The following PPIE variants were observed in gnomAD, a reference collection of about 807,000 sequenced individuals.
PPIE encodes peptidylprolyl isomerase E, also known as peptidyl-prolyl cis-trans isomerase E.
A neutral mutation model predicts 38.4 loss-of-function variants in PPIE; 20 were observed. That is an observed-to-expected ratio of 0.52 (90% CI 0.37 to 0.76). PPIE has a LOEUF of 0.76. PPIE is among the 30% of genes least tolerant of loss of function. The pLI is 0.00. For synonymous variants in PPIE, 142 were observed against 135.7 expected (o/e 1.05, Z -0.32); for missense variants, 322 against 385.8 (o/e 0.83, Z 1.39).
intron 8 of PPIE, among the ~76,000 whole-genome samples, chr1:39,749,429 A>G (rs1647469304): frequency 1.3e-5 from 2 of 152,120 alleles, no homozygotes; most frequent in African/African-American, 2.4e-5. Context: ...CCCAGCAACT[A>G]GAGAAAAAAC....
At chr1:39,745,819 C>T (rs1569662683) in intron 7 of PPIE, 2 of 216,522 alleles carry the variant, frequency 9.2e-6, no homozygotes, top group Non-Finnish European at 1.9e-5. Context: ...CCCCTCTCTA[C>T]ATCCAGTCCT....
In PPIE at chr1:39,748,964, C is replaced by T. The variant is rs1157306375; in HGVS notation, c.570C>T (p.His190=). 6 of 1,614,012 alleles carry T rather than the reference C, an allele frequency of 3.7e-6. No individual in the cohort carries two copies. The Admixed American group carries it at 1.0e-4, about 27-fold the overall frequency. The change falls in exon 8 of 10, where the codon CAC becomes CAT. Residue 190 remains histidine, a synonymous_variant. Transcript: ENST00000324379. Reference sequence around the variant, plus strand: ...TTGGCTTTAAGGGAAGCAGCTTCCACCGCATCATCCCCCAGTTCATGTGCC... The same window carrying T: ...TTGGCTTTAAGGGAAGCAGCTTCCATCGCATCATCCCCCAGTTCATGTGCC... ...KGFGFKGSSF[H]RIIPQFMCQG...
At chr1:39,761,514 C>T (rs1349133513), downstream of PPIE, 1 of 151,362 alleles carries the variant, frequency 6.6e-6, no homozygotes, top group Non-Finnish European at 1.5e-5. Flanking sequence ...TGCTAAAGAG[C>T]TCCGACAGCC....
chr1:39,745,202 T>C (rs1319524017), intron 6 of PPIE, among the ~76,000 whole-genome samples, 173 bp from the exon 7 acceptor site: 1 of 152,256 alleles, frequency 6.6e-6, no homozygotes, highest in East Asian at 1.9e-4. Flanking sequence ...AGCTGGGTGC[T>C]ACGGCCATGG....
At position 39,754,031 on chromosome 1, in the gene PPIE, T is replaced by G; in HGVS notation, c.*676T>G. On this transcript the variant is annotated 3_prime_UTR_variant, in exon 10 of 10. Transcript: ENST00000324379. Reference sequence around the variant, plus strand: ...CCCTACAGATTTTAAAAAATGAAATTTTTATAACTCAAAGTGCCTTCTCTG... The same window carrying G: ...CCCTACAGATTTTAAAAAATGAAATGTTTATAACTCAAAGTGCCTTCTCTG... 1 of 985,412 alleles carries G rather than the reference T, an allele frequency of 1.0e-6. No individual in the cohort carries two copies. The allele number at this position is 985,412 out of a possible 1,614,324, so 61.0% of individuals were successfully genotyped here.
chr1:39,756,057 C>A lies in PPIE; in HGVS notation c.*2702C>A, dbSNP rs951439482. 6 of 985,292 alleles carry A rather than the reference C, an allele frequency of 6.1e-6. No individual in the cohort carries two copies. Among genetic ancestry groups the A allele is most frequent in the Middle Eastern group, 5.2e-4 (1 of 1,936 alleles). The allele number at this position is 985,292 out of a possible 1,614,324, so 61.0% of individuals were successfully genotyped here. A position where few individuals can be genotyped will look rare whatever the true frequency, so the allele number is the denominator to read the frequency against. ...GTGTGGAGAGACACAGGAGACAAGA[C>A]CCTGCTCTTCCAGGCCAGAAGGGAG... On this transcript the variant is annotated 3_prime_UTR_variant, in exon 10 of 10. Transcript: ENST00000324379.
In PPIE at chr1:39,742,505, T is replaced by TTC. The variant is rs1289134841; in HGVS notation, c.201+585_201+586insCT. 3 of 116,408 alleles carry TTC rather than the reference T, an allele frequency of 2.6e-5. No homozygotes were observed. In the East Asian group the frequency reaches 5.8e-4, roughly 23 times the overall value. The allele number at this position is 116,408 out of a possible 1,614,324, so 7.2% of individuals were successfully genotyped here. A position where few individuals can be genotyped will look rare whatever the true frequency, so the allele number is the denominator to read the frequency against. ...TTCTTTCTTTCTTTTTTTTTTTTTTTTTTTTTTTAACAATCTTGAACTCAT... is the reference window on the plus strand; with the variant it reads ...TTCTTTCTTTCTTTTTTTTTTTTTTTTCTTTTTTTTAACAATCTTGAACTCAT... On this transcript the variant is annotated intron_variant, in intron 4 of 9. Coordinates refer to ENST00000324379, the MANE Select transcript of PPIE (RefSeq NM_006112.4).
intron 8 of PPIE, among the ~76,000 whole-genome samples, chr1:39,751,582 A>G (rs1243294856): frequency 6.6e-6 from 1 of 152,012 alleles, no homozygotes; most frequent in East Asian, 1.9e-4. Context: ...CTAGTCTGGA[A>G]CTCTTAGCTT....
intron 6 of PPIE, among the ~76,000 whole-genome samples, chr1:39,745,140 G>A (rs113398142): frequency 4.6e-5 from 7 of 152,206 alleles, no homozygotes; most frequent in African/African-American, 1.7e-4. Context: ...TAACACCCCC[G>A]TGTGTGAGGC....
rs1285815201 is a variant in PPIE at position 39,741,902 on chromosome 1, C to T, written c.182C>T (p.Ala61Val). ...FVEFELAEDA[A>V]AAIDNMNESE... ...TTTGTCTTTCCTTGGCAGGATGCTG[C>T]AGCAGCTATCGACAACATGGTATGG... The change falls in exon 4 of 10, where the codon GCA becomes GTA. Residue 61 changes from alanine (A) to valine (V), a missense_variant. Ala to Val is a moderately conservative substitution (Grantham distance 64). Transcript: ENST00000324379. The T allele has an allele frequency of 6.2e-7, 1 of 1,614,210 alleles. No homozygotes were observed. Among genetic ancestry groups the T allele is most frequent in the South Asian group, 1.1e-5 (1 of 91,086 alleles).
At chr1:39,753,147 C>A in intron 9 of PPIE, 95 bp downstream of exon 9, 1 of 1,591,546 alleles carries the variant, frequency 6.3e-7, no homozygotes, top group Non-Finnish European at 8.6e-7. Flanking sequence ...AGAGAGATGG[C>A]CAGGGGCTGT....
intron 9 of PPIE, chr1:39,763,539 CAAA>C: frequency 1.1e-6 from 1 of 935,742 alleles, no homozygotes; most frequent in Non-Finnish European, 1.5e-6. Context: ...AAAAACTGAA[CAAA>C]AAAAAAACCC....
In PPIE at chr1:39,756,168, C is replaced by T; in HGVS notation, c.*2813C>T. On this transcript the variant is annotated 3_prime_UTR_variant, in exon 10 of 10. Transcript: ENST00000324379. ...ACCATGCAGCAGCTGCACCTGGCTGCCTCGGGAAAACTCTGACCTCTCTGG... is the reference window on the plus strand; with the variant it reads ...ACCATGCAGCAGCTGCACCTGGCTGTCTCGGGAAAACTCTGACCTCTCTGG... The T allele has an allele frequency of 6.1e-6, 6 of 985,444 alleles. No individual in the cohort carries two copies. The highest frequency in any genetic ancestry group is 7.2e-6 in the Non-Finnish European group (6 of 829,930). The allele number at this position is 985,444 out of a possible 1,614,324, so 61.0% of individuals were successfully genotyped here. A position where few individuals can be genotyped will look rare whatever the true frequency, so the allele number is the denominator to read the frequency against.
intron 1 of PPIE, among the ~76,000 whole-genome samples, chr1:39,739,711 A>T (rs1003635462): frequency 5.3e-5 from 8 of 152,120 alleles, no homozygotes; most frequent in Admixed American, 1.3e-4. Flanking sequence ...AAATAGCCTG[A>T]CACTTGGGGG....
At chr1:39,763,034 C>G in intron 9 of PPIE, 4 of 1,584,860 alleles carry the variant, frequency 2.5e-6, no homozygotes, top group Non-Finnish European at 3.5e-6. Context: ...CTGGACCAGA[C>G]CCCTCTCCAC....
intron 9 of PPIE, among the ~76,000 whole-genome samples, chr1:39,763,427 C>T (rs1479626891): frequency 8.3e-6 from 1 of 120,140 alleles, no homozygotes; most frequent in Non-Finnish European, 2.0e-5. Flanking sequence ...CCTCCCAGAG[C>T]TGCAGTCGTA....
chr1:39,746,579 G>T (rs928083699), intron 7 of PPIE: 1 of 152,254 alleles, frequency 6.6e-6, no homozygotes, highest in African/African-American at 2.4e-5. Flanking sequence ...GTTGGGGAGG[G>T]GTGGCCCCCA....
At position 39,738,920 on chromosome 1, in the gene PPIE, T is replaced by A; in HGVS notation, c.20T>A (p.Val7Asp). 1 of 1,498,328 alleles carries A rather than the reference T, an allele frequency of 6.7e-7. No individual in the cohort carries two copies. The highest frequency in any genetic ancestry group is 1.5e-5 in the African/African-American group (1 of 68,760). The allele number at this position is 1,498,328 out of a possible 1,614,324, so 92.8% of individuals were successfully genotyped here. Residue 7 changes from valine (V) to aspartate (D), a missense_variant, in exon 1 of 10, where the codon GTC becomes GAC. Physicochemically the swap from Val to Asp is radical, Grantham distance 152. Transcript: ENST00000324379. ...AGCAAGATGGCCACCACCAAGCGCG[T>A]CTTGTACGTGGGTGAGCAGGAGGGG... MATTKR[V>D]LYVGGLAEEV...
chr1:39,745,445 C>T lies in PPIE; in HGVS notation c.455C>T (p.Pro152Leu), dbSNP rs139872652. Residue 152 changes from proline to leucine, a missense_variant, in exon 7 of 10, where the codon CCG (proline) becomes CTG (leucine). By Grantham distance (98) the Pro-to-Leu change is moderately conservative (BLOSUM62 -3). Transcript: ENST00000324379. ...VYMDIKIGNK[P>L]AGRIQMLLRS... Reference sequence around the variant, plus strand: ...ATGGACATCAAGATTGGGAACAAGCCGGCTGGCCGCATCCAGATGCTCCTG... The same window carrying T: ...ATGGACATCAAGATTGGGAACAAGCTGGCTGGCCGCATCCAGATGCTCCTG... 135 of 1,614,226 alleles carry T rather than the reference C, an allele frequency of 8.4e-5. No individual in the cohort carries two copies. In the African/African-American group the frequency reaches 1.5e-3, roughly 18 times the overall value.
Sources: gnomAD v4.1 joint callset for allele counts (sites outside exome capture counted in the v4.1 genomes callset) on GRCh38, gnomAD v4.1.1 for gene constraint, MANE v1.5 for transcripts, NCBI Gene and HGNC (gene_info 2026-07-23, HGNC 2026-07-21) for gene names.